The following PLCE1 variants were observed in gnomAD, a reference collection of about 807,000 sequenced individuals.
PLCE1 encodes 1-phosphatidylinositol 4,5-bisphosphate phosphodiesterase epsilon-1.
PLCE1 carries 119 observed loss-of-function variants against 242.8 expected under a neutral mutation model. The observed-to-expected ratio is 0.49, with a 90% CI of 0.42 to 0.57. PLCE1 has a LOEUF of 0.57. Ranked by LOEUF, PLCE1 falls within the 20% of genes least tolerant of loss-of-function variation. PLCE1 has a pLI of 0.00. For missense variants in PLCE1, 2,441 were observed against 2,788.8 expected, an observed-to-expected ratio of 0.88 and a Z score of 2.81; for synonymous variants, 945 against 1,017.4, an observed-to-expected ratio of 0.93 and a Z score of 1.35.
chr10:94,232,507 G>A (rs1238312084), intron 5 of PLCE1, among the ~76,000 whole-genome samples: 1 of 152,114 alleles, frequency 6.6e-6, no homozygotes, highest in Middle Eastern at 3.2e-3. Context: ...ACTTGATGGG[G>A]CAGTTGTAAT....
At chr10:94,183,119 C>A (rs2048362281) in intron 4 of PLCE1, among the ~76,000 whole-genome samples, 2 of 152,150 alleles carry the variant, frequency 1.3e-5, no homozygotes, top group Admixed American at 1.3e-4. Context: ...CATTAGCTGA[C>A]CCTATTAGGA....
chr10:94,251,975 A>G (rs574744444), intron 8 of PLCE1, among the ~76,000 whole-genome samples: 1 of 152,338 alleles, frequency 6.6e-6, no homozygotes, highest in African/African-American at 2.4e-5. Context: ...AGGATGTCCA[A>G]GGCCCTAATT....
intron 4 of PLCE1, among the ~76,000 whole-genome samples, chr10:94,183,166 A>T (rs1440497870): frequency 1.3e-5 from 2 of 152,088 alleles, no homozygotes; most frequent in Non-Finnish European, 2.9e-5. Flanking sequence ...ACTTTTAGAG[A>T]TTTTTACTGC....
At chr10:94,027,465 C>T (rs1272324629) in intron 1 of PLCE1, among the ~76,000 whole-genome samples, 2 of 152,188 alleles carry the variant, frequency 1.3e-5, no homozygotes, top group African/African-American at 4.8e-5. Context: ...GGAGGCAAAG[C>T]AAAGACCATT....
intron 14 of PLCE1, among the ~76,000 whole-genome samples, chr10:94,263,661 A>G (rs2051397697): frequency 6.6e-6 from 1 of 152,072 alleles, no homozygotes; most frequent in South Asian, 2.1e-4. Context: ...ACCACCGCAC[A>G]CCAGTCTGGG....
chr10:94,235,804 A>G (rs922371500), intron 6 of PLCE1, 111 bp from the exon 7 acceptor site: 14 of 1,443,928 alleles, frequency 9.7e-6, no homozygotes, highest in Non-Finnish European at 1.1e-5. Context: ...TCTTTCCCAT[A>G]AAATAGGCAC....
intron 12 of PLCE1, 27 bp downstream of exon 12, chr10:94,258,949 C>A (rs747542940): frequency 1.9e-6 from 3 of 1,613,932 alleles, no homozygotes; most frequent in Admixed American, 3.3e-5. Context: ...CCTTCTTATT[C>A]TTTCTCAGGC....
intron 13 of PLCE1, among the ~76,000 whole-genome samples, chr10:94,259,466 A>G (rs969764134): frequency 1.3e-5 from 2 of 151,908 alleles, no homozygotes; most frequent in African/African-American, 2.4e-5. Flanking sequence ...TGTATTTTTA[A>G]TAGAGACAAG....
At chr10:94,029,129 A>G (rs1404114603) in intron 1 of PLCE1, among the ~76,000 whole-genome samples, 1 of 152,154 alleles carries the variant, frequency 6.6e-6, no homozygotes, top group Admixed American at 6.6e-5. Flanking sequence ...TATAATTATA[A>G]TAACAACAAT....
At chr10:94,311,820 T>C (rs1403136292) in intron 27 of PLCE1, among the ~76,000 whole-genome samples, 1 of 152,168 alleles carries the variant, frequency 6.6e-6, no homozygotes, top group Non-Finnish European at 1.5e-5. Context: ...CCTCCATCAG[T>C]TCTCCATTGC....
chr10:94,222,637 G>A (rs573064796), intron 4 of PLCE1, among the ~76,000 whole-genome samples: 24 of 152,142 alleles, frequency 1.6e-4, no homozygotes, highest in Non-Finnish European at 2.5e-4. Flanking sequence ...TTCCTTTAGG[G>A]GGCCAGGGCG....
At chr10:94,126,071 A>G (rs1465193547) in intron 2 of PLCE1, among the ~76,000 whole-genome samples, 1 of 152,212 alleles carries the variant, frequency 6.6e-6, no homozygotes, top group African/African-American at 2.4e-5. Flanking sequence ...TCTATAAGGC[A>G]TCCCTCTTTC....
Position 94,306,872 on chromosome 10 carries a change from T to A in PLCE1, c.5884+184T>A, listed in dbSNP as rs369106519. ...TCTCAAAAGAAGTTTTTCTTTTACA[T>A]TTTTTAAGAATCTGAGGTATTAACA... On this transcript the variant is annotated intron_variant, in intron 26 of 32. Coordinates refer to ENST00000371380, the MANE Select transcript of PLCE1 (RefSeq NM_016341.4). The surrounding 1 kb of genome is among the most constrained non-coding windows in gnomAD (Gnocchi z 5.7). Among the ~76,000 whole-genome samples, 103 of 152,328 alleles carry A rather than the reference T, an allele frequency of 6.8e-4. No homozygotes were observed. Among genetic ancestry groups the A allele is most frequent in the African/African-American group, 2.4e-3 (101 of 41,584 alleles).
chr10:94,218,933 T>C (rs2049623691), intron 4 of PLCE1, among the ~76,000 whole-genome samples: 1 of 147,320 alleles, frequency 6.8e-6, no homozygotes, highest in Admixed American at 6.8e-5. Context: ...ATTTTAATTA[T>C]AATTATATTA....
rs576486467 is a variant in PLCE1 at position 94,302,876 on chromosome 10, A to C, written c.5459-1606A>C. On this transcript the variant is annotated intron_variant, in intron 24 of 32. Transcript: ENST00000371380. ...TTGCTGTTGTTAGTACTGTATGTCCATTTCACCTTTACCAACCCCATATGA... is the reference window on the plus strand; with the variant it reads ...TTGCTGTTGTTAGTACTGTATGTCCCTTTCACCTTTACCAACCCCATATGA... Among the ~76,000 whole-genome samples, 62 of 152,252 alleles carry C rather than the reference A, an allele frequency of 4.1e-4. No individual in the cohort carries two copies. In the South Asian group the frequency reaches 9.6e-3, roughly 23 times the overall value.
At chr10:94,273,827 A>C in intron 19 of PLCE1, 107 bp downstream of exon 19, 1 of 1,038,074 alleles carries the variant, frequency 9.6e-7, no homozygotes. Context: ...TAGTTTTTCA[A>C]GACTGACTTT....
At chr10:94,104,238 ACCCTATGAAGGGGAAAGTG>A (rs1230546421) in intron 2 of PLCE1, 9 of 152,198 alleles carry the variant, frequency 5.9e-5, no homozygotes, top group Non-Finnish European at 1.0e-4. Flanking sequence ...CCTCTTCACA[ACCCTATGAAGGGGAAAGTG>A]AGGCAGAAAG....
intron 2 of PLCE1, among the ~76,000 whole-genome samples, chr10:94,072,102 G>A (rs1465313793): frequency 1.3e-5 from 2 of 152,082 alleles, no homozygotes; most frequent in Non-Finnish European, 2.9e-5. Context: ...TCTATAAAAT[G>A]TGCATGAGAG....
At chr10:94,084,625 A>T (rs1027846717) in intron 2 of PLCE1, among the ~76,000 whole-genome samples, 1 of 152,232 alleles carries the variant, frequency 6.6e-6, no homozygotes, top group African/African-American at 2.4e-5. Context: ...GTGAGTCAAG[A>T]GGTGGCTTTG....
Sources: gnomAD v4.1 joint callset for allele counts (sites outside exome capture counted in the v4.1 genomes callset) on GRCh38, gnomAD v4.1.1 for gene constraint, Gnocchi (gnomAD v3.1) non-coding constraint, MANE v1.5 for transcripts, NCBI Gene and HGNC (gene_info 2026-07-23, HGNC 2026-07-21) for gene names.